ZNF84: variants seen among roughly 807,000 people sequenced by gnomAD.
The protein encoded by ZNF84 is zinc finger protein 84.
A neutral mutation model predicts 14.8 loss-of-function variants in ZNF84; 12 were observed. That is an observed-to-expected ratio of 0.81 (90% confidence interval 0.52 to 1.31). ZNF84 has a LOEUF of 1.31. Among genes scored for constraint, ZNF84 ranks in the 50% most tolerant of loss-of-function variants. The probability of loss-of-function intolerance (pLI) is 0.00; values close to 1 mark genes in which losing one functional copy is unlikely to be tolerated. For synonymous variants in ZNF84, 347 were observed against 291.1 expected, an observed-to-expected ratio of 1.19 and a Z score of -1.96; for missense variants, 859 against 878.6, an observed-to-expected ratio of 0.98 and a Z score of 0.28.
chr12:133,050,608 C>T (rs1954054128), intron 4 of ZNF84: 1 of 398,564 alleles, frequency 2.5e-6, no homozygotes, highest in East Asian at 3.6e-5. Flanking sequence ...TTAAACATTT[C>T]TCAAGTGTTT....
chr12:133,048,644 TG>T lies in ZNF84; in HGVS notation c.143-105del, dbSNP rs367648473. The T allele has an allele frequency of 2.3e-4, 163 of 700,544 alleles. 1 individual carries two copies. The Middle Eastern group carries it at 2.5e-3, about 11-fold the overall frequency. The allele number at this position is 700,544 out of a possible 1,614,324, so 43.4% of individuals were successfully genotyped here. A position where few individuals can be genotyped will look rare whatever the true frequency, so the allele number is the denominator to read the frequency against. ...TAACTTTGAGAATTACTTACTCTGT[TG>T]GGGTACAGCTTCACCAGGCCAACTT... On this transcript the variant is annotated intron_variant, in intron 3 of 4. Transcript: ENST00000539354.
Position 133,058,200 on chromosome 12 carries a change from T to G in ZNF84, c.1485T>G (p.Ala495=). The change falls in exon 5 of 5, where the codon GCT becomes GCG. Residue 495 remains alanine (A), a synonymous_variant. Transcript: ENST00000539354. ...ATGAATGCAGTGAGTGTGGGAAAGC[T>G]TTCAGTGAAAAATTAAGTCTCACTA... ...KPYECSECGK[A]FSEKLSLTNH... 6.2e-7 allele frequency: 1 copy of G among 1,613,640 alleles called. No homozygotes were observed. The highest frequency in any genetic ancestry group is 8.5e-7 in the Non-Finnish European group (1 of 1,179,904).
intron 4 of ZNF84, among the ~76,000 whole-genome samples, chr12:133,052,125 A>G (rs1364168145): frequency 5.3e-5 from 8 of 152,208 alleles, no homozygotes; most frequent in African/African-American, 1.4e-4. Context: ...TCAGTCTGCC[A>G]TAACAAAATA....
chr12:133,040,590 AGAAT>A (rs1439350467), intron 1 of ZNF84: 4 of 147,456 alleles, frequency 2.7e-5, no homozygotes, highest in East Asian at 2.0e-4. Context: ...AAAAAAAAAA[AGAAT>A]GCTGATGTTG....
chr12:133,039,727 T>G (rs1953852947), intron 1 of ZNF84, among the ~76,000 whole-genome samples: 1 of 152,172 alleles, frequency 6.6e-6, no homozygotes, highest in Non-Finnish European at 1.5e-5. Context: ...CCACTTTATC[T>G]TCACCATTTT....
chr12:133,056,297 A>T (rs1415454105), intron 4 of ZNF84, among the ~76,000 whole-genome samples: 1 of 152,026 alleles, frequency 6.6e-6, no homozygotes, highest in East Asian at 1.9e-4. Flanking sequence ...TCTGTTACCC[A>T]GGCTGGAGTG....
At chr12:133,048,286 C>A (rs1023693743) in intron 3 of ZNF84, 10 of 457,922 alleles carry the variant, frequency 2.2e-5, no homozygotes, top group African/African-American at 1.9e-4. Flanking sequence ...GTAAGTTTGT[C>A]ATGCAGCCTC....
At position 133,056,891 on chromosome 12, in the gene ZNF84, T is replaced by A. The variant is rs913951803; in HGVS notation, c.239-63T>A. On this transcript the variant is annotated intron_variant, in intron 4 of 4. Transcript: ENST00000539354. ...CCCCTCAACATAGCATTTCTAGTTTTGTTTTGTTTTGTTTTGTTTTTAGAA... is the reference window on the plus strand; with the variant it reads ...CCCCTCAACATAGCATTTCTAGTTTAGTTTTGTTTTGTTTTGTTTTTAGAA... The A allele has an allele frequency of 1.9e-5, 26 of 1,397,402 alleles. No individual in the cohort carries two copies. In the Middle Eastern group the frequency reaches 8.4e-4, roughly 45 times the overall value. 86.6% of individuals were successfully genotyped at this position (1,397,402 alleles called of 1,614,324 possible).
chr12:133,055,588 G>T (rs1320308846), intron 4 of ZNF84, among the ~76,000 whole-genome samples: 1 of 151,846 alleles, frequency 6.6e-6, no homozygotes, highest in African/African-American at 2.4e-5. Flanking sequence ...TTTAAAAAAA[G>T]AATACAAAAA....
At chr12:133,041,518 G>A (rs1399738092) in intron 2 of ZNF84, 36 bp downstream of exon 2, 1 of 1,606,756 alleles carries the variant, frequency 6.2e-7, no homozygotes, top group African/African-American at 1.3e-5. Context: ...TTTTCCCAGG[G>A]AATTAGAAGA....
intron 2 of ZNF84, among the ~76,000 whole-genome samples, chr12:133,046,182 T>C (rs1225966066): frequency 1.3e-5 from 2 of 152,044 alleles, no homozygotes; most frequent in African/African-American, 2.4e-5. Context: ...GGTTCTATCA[T>C]TCCCTTTCTT....
intron 4 of ZNF84, among the ~76,000 whole-genome samples, chr12:133,054,735 A>G (rs1414319426): frequency 6.6e-6 from 1 of 151,990 alleles, no homozygotes; most frequent in East Asian, 1.9e-4. Context: ...TTTTTCAATT[A>G]AAAATACAAT....
chr12:133,058,057 T>C lies in ZNF84; in HGVS notation c.1342T>C (p.Ser448Pro). The C allele has an allele frequency of 6.2e-7, 1 of 1,612,292 alleles. No homozygotes were observed. The change falls in exon 5 of 5, where the codon TCA (serine) becomes CCA (proline). Residue 448 changes from serine to proline, a missense_variant. Physicochemically the swap from Ser to Pro is moderately conservative, Grantham distance 74 (BLOSUM62 -1). Transcript: ENST00000539354. ...CTTCTCCCAGAAGTCACATCTCATA[T>C]CACATCAGATGACACACACAGGAGA... ...KAFSQKSHLI[S>P]HQMTHTGEKP...
chr12:133,058,722 C>G lies in ZNF84; in HGVS notation c.2007C>G (p.His669Gln), dbSNP rs1163475538. ...GCAAAGCTTTCTCTCGGAAGTCACACCTTATACCACATCAAAGGACACATA... is the reference window on the plus strand; with the variant it reads ...GCAAAGCTTTCTCTCGGAAGTCACAGCTTATACCACATCAAAGGACACATA... ...ECGKAFSRKS[H>Q]LIPHQRTHTG... The change falls in exon 5 of 5, where the codon CAC becomes CAG. Residue 669 changes from histidine (H) to glutamine (Q), a missense_variant. Transcript: ENST00000539354. 5 of 1,612,994 alleles carry G rather than the reference C, an allele frequency of 3.1e-6. No homozygotes were observed. Among genetic ancestry groups the G allele is most frequent in the Non-Finnish European group, 4.2e-6 (5 of 1,179,702 alleles).
chr12:133,059,054 A>C lies in ZNF84; in HGVS notation c.*122A>C. 2 of 964,042 alleles carry C rather than the reference A, an allele frequency of 2.1e-6. No homozygotes were observed. The highest frequency in any genetic ancestry group is 1.7e-5 in the South Asian group (1 of 60,520). 59.7% of individuals were successfully genotyped at this position (964,042 alleles called of 1,614,324 possible). A position where few individuals can be genotyped will look rare whatever the true frequency, so the allele number is the denominator to read the frequency against. The stretch of plus-strand genomic sequence containing the variant: ...GTACTCCATGAGGATGAGAACTCTA[A>C]ATGAGGTGGTGTATGGAAAGCCGAT... On this transcript the variant is annotated 3_prime_UTR_variant, in exon 5 of 5. Coordinates refer to ENST00000539354, the MANE Select transcript of ZNF84 (RefSeq NM_001289971.2).
At position 133,062,727 on chromosome 12, in the gene ZNF84, GTGTAACA is replaced by G. The variant is rs1342862638; in HGVS notation, c.*3797_*3803del. 2.7e-5 allele frequency: 6 copies of G among 221,910 alleles called. No individual in the cohort carries two copies. Among genetic ancestry groups the G allele is most frequent in the African/African-American group, 1.1e-4 (5 of 44,366 alleles). The allele number at this position is 221,910 out of a possible 1,614,324, so 13.7% of individuals were successfully genotyped here. On this transcript the variant is annotated 3_prime_UTR_variant, in exon 5 of 5. Transcript: ENST00000539354. ...TCGTGTGGCTTATTGTGGACTTAAAGTGTAACATTCTCCTTATGGTATGTAAGGACTT... is the reference window on the plus strand; with the variant it reads ...TCGTGTGGCTTATTGTGGACTTAAAGTTCTCCTTATGGTATGTAAGGACTT...
At position 133,046,347 on chromosome 12, in the gene ZNF84, GTTTTTTTTTTTTTTTTT is replaced by G. The variant is rs58214468; in HGVS notation, c.16-1588_16-1572del. On this transcript the variant is annotated intron_variant, in intron 2 of 4. Coordinates refer to ENST00000539354, the MANE Select transcript of ZNF84 (RefSeq NM_001289971.2). ...TTTTTGTATCTCTTCAGTCCTCACA[GTTTTTTTTTTTTTTTTT>G]TTTTTTTTTTTTTTTTTTTAAATCA... Among the ~76,000 whole-genome samples, 158 of 116,392 alleles carry G rather than the reference GTTTTTTTTTTTTTTTTT, an allele frequency of 1.4e-3. 2 individuals carry two copies. The highest frequency in any genetic ancestry group is 8.5e-3 in the Middle Eastern group (2 of 236). The allele number at this position is 116,392 out of a possible 152,430, so 76.4% of individuals were successfully genotyped here. A position where few individuals can be genotyped will look rare whatever the true frequency, so the allele number is the denominator to read the frequency against.
chr12:133,038,186 C>T (rs1430021201), intron 1 of ZNF84, among the ~76,000 whole-genome samples: 1 of 151,820 alleles, frequency 6.6e-6, no homozygotes, highest in Non-Finnish European at 1.5e-5. Flanking sequence ...GAAATAGCTA[C>T]GTTTATTTTC....
rs1160473705 is a variant in ZNF84, at chr12:133,050,664, C to T, written c.238+1816C>T. 1.0e-5 allele frequency: 4 copies of T among 397,442 alleles called. No homozygotes were observed. The Admixed American group carries it at 1.3e-4, about 13-fold the overall frequency. 24.6% of individuals were successfully genotyped at this position (397,442 alleles called of 1,614,324 possible). A position where few individuals can be genotyped will look rare whatever the true frequency, so the allele number is the denominator to read the frequency against. On this transcript the variant is annotated intron_variant, in intron 4 of 4. Transcript: ENST00000539354. The stretch of plus-strand genomic sequence containing the variant: ...ACTTTTGATGGTATTATACTAGTTA[C>T]CTAGAAATTCTTAATCCTTTCCATA...
Sources: gnomAD v4.1 joint callset for allele counts (sites outside exome capture counted in the v4.1 genomes callset) on GRCh38, gnomAD v4.1.1 for gene constraint, MANE v1.5 for transcripts, NCBI Gene and HGNC (gene_info 2026-07-23, HGNC 2026-07-21) for gene names.